Variants in ACOX2 observed in about 807,000 individuals in gnomAD.
ACOX2 encodes acyl-CoA oxidase 2, also known as peroxisomal acyl-coenzyme A oxidase 2.
In ACOX2, 59 loss-of-function variants were observed where a neutral mutation model predicts 77.5. The ratio of observed to expected loss-of-function variants is 0.76; its 90% CI spans 0.62 to 0.95. ACOX2 has a LOEUF of 0.95. Among genes scored for constraint, ACOX2 ranks in the 40% least tolerant of loss-of-function variants. ACOX2 has a pLI of 0.00. For missense variants in ACOX2, 837 were observed against 880.4 expected (o/e 0.95, Z 0.62); for synonymous variants, 317 against 340.1 (o/e 0.93, Z 0.75).
chr3:58,529,906 G>A (rs1425038413), intron 8 of ACOX2, among the ~76,000 whole-genome samples: 2 of 152,214 alleles, frequency 1.3e-5, no homozygotes, highest in African/African-American at 4.8e-5. Context: ...TCTGTGCTGT[G>A]GGGTGGAGGG....
In ACOX2 at chr3:58,530,657, G is replaced by C. The variant is rs1453935859; in HGVS notation, c.820-19C>G. 1.2e-6 allele frequency: 2 copies of C among 1,609,030 alleles called. No homozygotes were observed. The highest frequency in any genetic ancestry group is 1.7e-6 in the Non-Finnish European group (2 of 1,176,752). On this transcript the variant is annotated intron_variant, in intron 7 of 14. Coordinates refer to ENST00000302819, the MANE Select transcript of ACOX2 (RefSeq NM_003500.4). ...GCAAGACCTGTGTGGAACAAGGACG[G>C]GCACAAGTTCTGGGCCAAGGCTTCC... is the stretch of plus-strand genomic sequence containing the variant.
At chr3:58,510,660 AAAAATATATATATAT>A (rs2063274693) in intron 13 of ACOX2, among the ~76,000 whole-genome samples, 7 of 17,184 alleles carry the variant, frequency 4.1e-4, no homozygotes, top group Non-Finnish European at 6.2e-4. Flanking sequence ...AAAAAAAAAA[AAAAATATATATATAT>A]ATATATATAT....
At chr3:58,517,638 GA>G (rs144285417) in intron 12 of ACOX2, among the ~76,000 whole-genome samples, 2,381 of 142,888 alleles carry the variant, frequency 0.017, 66 homozygotes, top group African/African-American at 0.058. Flanking sequence ...GGACGGGGGG[GA>G]CTGGTGGGCT....
intron 12 of ACOX2, among the ~76,000 whole-genome samples, chr3:58,520,143 G>A (rs1261552433): frequency 1.3e-5 from 2 of 152,216 alleles, no homozygotes; most frequent in Non-Finnish European, 2.9e-5. Context: ...GGGGGTGGGG[G>A]TGCTAGCTGC....
chr3:58,507,291 G>A (rs2063241752), intron 14 of ACOX2, among the ~76,000 whole-genome samples: 1 of 152,164 alleles, frequency 6.6e-6, no homozygotes, highest in Non-Finnish European at 1.5e-5. Context: ...AGACTCCTTC[G>A]TTGTTCACAG....
rs778909114 is a variant in ACOX2 at position 58,530,472 on chromosome 3, C to T, written c.986G>A (p.Arg329Gln). The change falls in exon 8 of 15, where the codon CGG becomes CAG. Residue 329 changes from arginine (R) to glutamine (Q), a missense_variant. Transcript: ENST00000302819. ...GTCACTGGGCACCCCTTGCCTGGGC[C>T]GGAGCCGGGATTGGCGGCGGATGAC... is the stretch of plus-strand genomic sequence containing the variant. ...YSVIRRQSRL[R>Q]PSDPEAKVLD... 1.9e-5 allele frequency: 31 copies of T among 1,613,604 alleles called. No individual in the cohort carries two copies. Among genetic ancestry groups the T allele is most frequent in the Admixed American group, 8.3e-5 (5 of 59,996 alleles).
In ACOX2 at chr3:58,531,962, G is replaced by T; in HGVS notation, c.584-150C>A. ...AAAGAGAGAGGGGATTGCCCCCAAA[G>T]AACCAAGCAAACCTAGCAGCGTTGG... On this transcript the variant is annotated intron_variant, in intron 5 of 14. Transcript: ENST00000302819. This position sits in a 1 kb window ranked among gnomAD's most constrained non-coding sequence, Gnocchi z 5.8. 7.9e-7 allele frequency: 1 copy of T among 1,270,602 alleles called. No individual in the cohort carries two copies. Among genetic ancestry groups the T allele is most frequent in the Non-Finnish European group, 1.0e-6 (1 of 964,716 alleles). The allele number at this position is 1,270,602 out of a possible 1,614,324, so 78.7% of individuals were successfully genotyped here.
Position 58,528,937 on chromosome 3 carries a change from G to A in ACOX2, c.1012C>T (p.Leu338=). The change falls in exon 9 of 15, where the codon CTG becomes TTG. Residue 338 remains leucine, a synonymous_variant. Coordinates refer to ENST00000302819, the MANE Select transcript of ACOX2 (RefSeq NM_003500.4). The surrounding 1 kb of genome is among the most constrained non-coding windows in gnomAD (Gnocchi z 5.6). ...TTCTGCTGTTGTGTCTGGTAGTCCA[G>A]GACCTTTGCCTCTGGGTCACTGAAG... The part of the protein sequence containing the change: ...LRPSDPEAKV[L]DYQTQQQKLF... The A allele has an allele frequency of 3.7e-6, 6 of 1,612,184 alleles. No individual in the cohort carries two copies. Among genetic ancestry groups the A allele is most frequent in the Non-Finnish European group, 5.1e-6 (6 of 1,179,044 alleles).
rs1440454760 is a variant in ACOX2 at position 58,505,856 on chromosome 3, T to C, written c.1984-570A>G. On this transcript the variant is annotated intron_variant, in intron 14 of 14. Coordinates refer to ENST00000302819, the MANE Select transcript of ACOX2 (RefSeq NM_003500.4). This position sits in a 1 kb window ranked among gnomAD's most constrained non-coding sequence, Gnocchi z 4.4. ...CCCAGGCTGGAGTGCAGTGGTGCGA[T>C]TTTGGCTCACTGCAACTTCCGCCTC... is the stretch of plus-strand genomic sequence containing the variant. Among the ~76,000 whole-genome samples, 1 of 152,078 alleles carries C rather than the reference T, an allele frequency of 6.6e-6. No homozygotes were observed. The highest frequency in any genetic ancestry group is 1.9e-4 in the East Asian group (1 of 5,182).
At position 58,530,513 on chromosome 3, in the gene ACOX2, G is replaced by T; in HGVS notation, c.945C>A (p.Ile315=). 1.2e-6 allele frequency: 2 copies of T among 1,614,256 alleles called. No homozygotes were observed. Among genetic ancestry groups the T allele is most frequent in the Non-Finnish European group, 1.7e-6 (2 of 1,180,042 alleles). Residue 315 remains isoleucine (I), a synonymous_variant, in exon 8 of 15, where the codon ATC becomes ATA. Transcript: ENST00000302819. Reference sequence around the variant, plus strand: ...GGCGGATGACCGAGTAGCGCATGGCGATGACACAGGCCTTCTGCAGTATAG... The same window carrying T: ...GGCGGATGACCGAGTAGCGCATGGCTATGACACAGGCCTTCTGCAGTATAG... ...ILPILQKACV[I]AMRYSVIRRQ... is the part of the protein sequence containing the mutation.
chr3:58,531,983 G>A lies in ACOX2; in HGVS notation c.584-171C>T, dbSNP rs1229325511. 2.6e-5 allele frequency among the ~76,000 whole-genome samples: 4 copies of A among 152,150 alleles called. No individual in the cohort carries two copies. The highest frequency in any genetic ancestry group is 6.5e-5 in the Admixed American group (1 of 15,276). Reference sequence around the variant, plus strand: ...CAAAGAACCAAGCAAACCTAGCAGCGTTGGCAAAGGCACTGTGAAATGATC... The same window carrying A: ...CAAAGAACCAAGCAAACCTAGCAGCATTGGCAAAGGCACTGTGAAATGATC... On this transcript the variant is annotated intron_variant, in intron 5 of 14. Coordinates refer to ENST00000302819, the MANE Select transcript of ACOX2 (RefSeq NM_003500.4). This position sits in a 1 kb window ranked among gnomAD's most constrained non-coding sequence, Gnocchi z 5.8.
intron 12 of ACOX2, among the ~76,000 whole-genome samples, chr3:58,520,483 C>T (rs1315450934): frequency 6.6e-6 from 1 of 152,258 alleles, no homozygotes; most frequent in Non-Finnish European, 1.5e-5. Context: ...CCTTTGTCTA[C>T]AGACAGGGAA....
chr3:58,507,157 A>AGT (rs2063240530), intron 14 of ACOX2, among the ~76,000 whole-genome samples: 1 of 152,202 alleles, frequency 6.6e-6, no homozygotes, highest in Non-Finnish European at 1.5e-5. Context: ...GGATGACAAG[A>AGT]GTGTGTGGCA....
chr3:58,515,891 C>T lies in ACOX2; in HGVS notation c.1850+1315G>A, dbSNP rs188977793. On this transcript the variant is annotated intron_variant, in intron 13 of 14. Coordinates refer to ENST00000302819, the MANE Select transcript of ACOX2 (RefSeq NM_003500.4). The surrounding 1 kb of genome is among the most constrained non-coding windows in gnomAD (Gnocchi z 4.0). The stretch of plus-strand genomic sequence containing the variant: ...CTCCTGGGATCAATCAATCCTCCTA[C>T]CTCAGCCTCCCGAGTAGCTGAGACT... Among the ~76,000 whole-genome samples the T allele has an allele frequency of 6.6e-6, 1 of 152,190 alleles. No individual in the cohort carries two copies. The highest frequency in any genetic ancestry group is 1.5e-5 in the Non-Finnish European group (1 of 68,022).
rs1358690657 is a variant in ACOX2, at chr3:58,514,976, A to C, written c.1850+2230T>G. On this transcript the variant is annotated intron_variant, in intron 13 of 14. Coordinates refer to ENST00000302819, the MANE Select transcript of ACOX2 (RefSeq NM_003500.4). The surrounding 1 kb of genome is among the most constrained non-coding windows in gnomAD (Gnocchi z 4.3). ...GGGAAAGTTTTATACCTGGGACATA[A>C]TTGTGTCAAACGTATTTTTGACAGT... Among the ~76,000 whole-genome samples, 1 of 152,126 alleles carries C rather than the reference A, an allele frequency of 6.6e-6. No homozygotes were observed. The highest frequency in any genetic ancestry group is 1.9e-4 in the East Asian group (1 of 5,196).
Position 58,530,474 on chromosome 3 carries a change from G to C in ACOX2, c.984C>G (p.Leu328=). The change falls in exon 8 of 15, where the codon CTC becomes CTG. Residue 328 remains leucine, a synonymous_variant. Transcript: ENST00000302819. ...RYSVIRRQSR[L]RPSDPEAKVL... is the part of the protein sequence containing the mutation. The stretch of plus-strand genomic sequence containing the variant: ...CACTGGGCACCCCTTGCCTGGGCCG[G>C]AGCCGGGATTGGCGGCGGATGACCG... 1 of 1,614,004 alleles carries C rather than the reference G, an allele frequency of 6.2e-7. No individual in the cohort carries two copies. The highest frequency in any genetic ancestry group is 8.5e-7 in the Non-Finnish European group (1 of 1,179,878).
chr3:58,531,629 G>C lies in ACOX2; in HGVS notation c.703+64C>G. 6.3e-7 allele frequency: 1 copy of C among 1,586,116 alleles called. No homozygotes were observed. Among genetic ancestry groups the C allele is most frequent in the Non-Finnish European group, 8.6e-7 (1 of 1,165,942 alleles). ...ACTCCTGTGGCCCTCTGGGGCCCCAGGTCAGGGAGGCCACCTGGGCTCTCC... is the reference window on the plus strand; with the variant it reads ...ACTCCTGTGGCCCTCTGGGGCCCCACGTCAGGGAGGCCACCTGGGCTCTCC... On this transcript the variant is annotated intron_variant, in intron 6 of 14. Transcript: ENST00000302819. This position sits in a 1 kb window ranked among gnomAD's most constrained non-coding sequence, Gnocchi z 5.8.
chr3:58,528,812 G>A lies in ACOX2; in HGVS notation c.1137C>T (p.Asp379=), dbSNP rs200377724. 1 of 1,610,606 alleles carries A rather than the reference G, an allele frequency of 6.2e-7. No homozygotes were observed. Among genetic ancestry groups the A allele is most frequent in the Non-Finnish European group, 8.5e-7 (1 of 1,178,366 alleles). ...QHSYTAILNQ[D]FSFLPELHAL... is the part of the protein sequence containing the mutation. ...CAGGTACCTCAGGCAGGAAGCTGAA[G>A]TCTTGGTTCAGAATGGCAGTGTAGG... Residue 379 remains aspartate (D), a synonymous_variant, in exon 9 of 15, where the codon GAC becomes GAT. Coordinates refer to ENST00000302819, the MANE Select transcript of ACOX2 (RefSeq NM_003500.4). This position sits in a 1 kb window ranked among gnomAD's most constrained non-coding sequence, Gnocchi z 5.6.
At chr3:58,516,669 C>G (rs1421022703) in intron 13 of ACOX2, among the ~76,000 whole-genome samples, 1 of 152,068 alleles carries the variant, frequency 6.6e-6, no homozygotes, top group Non-Finnish European at 1.5e-5. Context: ...GAAACCCCAT[C>G]TCTACTAAAA....
Sources: allele counts gnomAD v4.1 joint callset (sites outside exome capture counted in the v4.1 genomes callset), GRCh38; gene constraint gnomAD v4.1.1; non-coding constraint Gnocchi (gnomAD v3.1); transcripts MANE v1.5; gene names NCBI Gene and HGNC (gene_info 2026-07-23, HGNC 2026-07-21).